Variants in TRIM66 observed in about 807,000 individuals in gnomAD.
The protein encoded by TRIM66 is tripartite motif-containing protein 66.
Under a neutral mutation model 148.2 loss-of-function variants are expected in TRIM66, and 99 were observed. The ratio of observed to expected loss-of-function variants is 0.67; its 90% CI spans 0.57 to 0.79. The LOEUF (loss-of-function observed/expected upper bound fraction) is 0.79. Among genes scored for constraint, TRIM66 ranks in the 30% least tolerant of loss-of-function variants. The probability of loss-of-function intolerance (pLI) is 0.00; values close to 1 mark genes in which losing one functional copy is unlikely to be tolerated. For synonymous variants in TRIM66, 616 were observed against 635.9 expected, an observed-to-expected ratio of 0.97 and a Z score of 0.47; for missense variants, 1,666 against 1,697.9, an observed-to-expected ratio of 0.98 and a Z score of 0.33.
At position 8,621,083 on chromosome 11, in the gene TRIM66, G is replaced by A. The variant is rs1263101690; in HGVS notation, c.3494C>T (p.Pro1165Leu). 4 of 1,551,570 alleles carry A rather than the reference G, an allele frequency of 2.6e-6. No individual in the cohort carries two copies. Among genetic ancestry groups the A allele is most frequent in the Admixed American group, 3.9e-5 (2 of 50,982 alleles). Residue 1165 changes from proline to leucine, a missense_variant, in exon 20 of 25, where the codon CCC becomes CTC. Around this residue, in one of 3 missense-constraint regions of TRIM66, gnomAD observed 1,431 missense variants for 1,412.4 expected, o/e 1.01. Transcript: ENST00000646038. Reference sequence around the variant, plus strand: ...ATGGCAGGAGAGGTGGAACACTTTGGGGCAGCGGTCACAGCACAGTAACTC... The same window carrying A: ...ATGGCAGGAGAGGTGGAACACTTTGAGGCAGCGGTCACAGCACAGTAACTC... The part of the protein sequence containing the change: ...GGELLCCDRC[P>L]KVFHLSCHVP...
At chr11:8,664,903 C>A (rs1044538355) in intron 6 of TRIM66, among the ~76,000 whole-genome samples, 1 of 152,112 alleles carries the variant, frequency 6.6e-6, no homozygotes, top group Non-Finnish European at 1.5e-5. Context: ...ACAAGCTGGA[C>A]AGACCCTGAG....
Position 8,672,053 on chromosome 11 carries a change from T to C in TRIM66, c.73A>G (p.Ile25Val), listed in dbSNP as rs1422597131. Residue 25 changes from isoleucine to valine, a missense_variant, in exon 6 of 25, where the codon ATC (isoleucine) becomes GTC (valine). Coordinates refer to ENST00000646038, the MANE Select transcript of TRIM66 (RefSeq NM_001388022.1). Reference sequence around the variant, plus strand: ...CCCAGGACTGGGGCTTTTCCACTGATATCCTCAGGTGAGAAGCAGCGTGTA... The same window carrying C: ...CCCAGGACTGGGGCTTTTCCACTGACATCCTCAGGTGAGAAGCAGCGTGTA... ...RSTRCFSPED[I>V]SGKAPVLGTG... The C allele has an allele frequency of 2.0e-6, 3 of 1,535,586 alleles. No homozygotes were observed. Among genetic ancestry groups the C allele is most frequent in the East Asian group, 2.4e-5 (1 of 40,934 alleles).
intron 14 of TRIM66, 45 bp downstream of exon 14, chr11:8,640,182 C>T (rs1416457475): frequency 6.6e-7 from 1 of 1,521,556 alleles, no homozygotes; most frequent in Admixed American, 2.0e-5. Flanking sequence ...CCTGAGTGAT[C>T]CTACGATGGG....
chr11:8,650,351 C>T (rs1015237091), intron 7 of TRIM66, among the ~76,000 whole-genome samples: 2 of 151,694 alleles, frequency 1.3e-5, no homozygotes, highest in African/African-American at 2.4e-5. Context: ...CCAGCCTGGG[C>T]AACAGAGGAA....
intron 20 of TRIM66, 38 bp from the exon 21 acceptor site, chr11:8,620,610 A>C (rs2034113128): frequency 6.5e-7 from 1 of 1,546,652 alleles, no homozygotes. Context: ...GCCTCAGCAC[A>C]TTGCCCAGAG....
chr11:8,638,591 G>A (rs2036096332), intron 15 of TRIM66, 63 bp downstream of exon 15: 1 of 1,516,188 alleles, frequency 6.6e-7, no homozygotes. Flanking sequence ...CCTCCTCCAA[G>A]TGCCTGGGGT....
Position 8,641,023 on chromosome 11 carries a change from G to A in TRIM66, c.1352C>T (p.Pro451Leu). The change falls in exon 14 of 25, where the codon CCC becomes CTC. Residue 451 changes from proline to leucine, a missense_variant. This residue lies in a region of TRIM66 where 1,431 missense variants were observed against 1,412.4 expected (regional missense o/e 1.01). Coordinates refer to ENST00000646038, the MANE Select transcript of TRIM66 (RefSeq NM_001388022.1). Reference protein sequence around the residue: ...PVAQQEALSHPSHKFQSPAVC... With the variant: ...PVAQQEALSHLSHKFQSPAVC... The stretch of plus-strand genomic sequence containing the variant: ...TGCTGGAGACTGGAACTTGTGTGAG[G>A]GGTGGCTAAGAGCCTCTTGCTGAGC... 4 of 1,551,630 alleles carry A rather than the reference G, an allele frequency of 2.6e-6. No individual in the cohort carries two copies. Among genetic ancestry groups the A allele is most frequent in the South Asian group, 1.2e-5 (1 of 84,052 alleles).
At chr11:8,677,867 C>A (rs764214318) in intron 3 of TRIM66, among the ~76,000 whole-genome samples, 2 of 152,136 alleles carry the variant, frequency 1.3e-5, no homozygotes, top group African/African-American at 2.4e-5. Context: ...AACACTCTAT[C>A]CAACACAGGA....
intron 3 of TRIM66, among the ~76,000 whole-genome samples, chr11:8,678,450 C>T (rs2133565140): frequency 6.6e-6 from 1 of 152,328 alleles, no homozygotes; most frequent in South Asian, 2.1e-4. Flanking sequence ...ACAGCTATGT[C>T]TCCATGTATA....
At chr11:8,637,121 G>A (rs2035947375) in intron 15 of TRIM66, among the ~76,000 whole-genome samples, 1 of 152,062 alleles carries the variant, frequency 6.6e-6, no homozygotes, top group South Asian at 2.1e-4. Context: ...CCCTCTCCCA[G>A]AGCTAGGTGC....
intron 15 of TRIM66, among the ~76,000 whole-genome samples, chr11:8,634,978 T>C (rs2035752652): frequency 1.3e-5 from 2 of 152,110 alleles, no homozygotes; most frequent in Admixed American, 6.5e-5. Context: ...CAAAACACCT[T>C]TACCAGATAA....
At chr11:8,644,685 A>C (rs890915158) in intron 12 of TRIM66, among the ~76,000 whole-genome samples, 11 of 152,026 alleles carry the variant, frequency 7.2e-5, no homozygotes, top group African/African-American at 2.7e-4. Context: ...AATGTTTTCC[A>C]AGCTTAAAAA....
chr11:8,671,833 A>G lies in TRIM66; in HGVS notation c.293T>C (p.Ile98Thr), dbSNP rs2038950703. ...CTTGGCAATCTGCCCTAGCTCCTGT[A>G]TCAAGCCCTGGAAGCAGTCCTTACG... ...LLRKDCFQGL[I>T]QELGQIAKAH... The change falls in exon 6 of 25, where the codon ATA (isoleucine) becomes ACA (threonine). Residue 98 changes from isoleucine (I) to threonine (T), a missense_variant. This residue lies in a region of TRIM66 where 1,431 missense variants were observed against 1,412.4 expected (regional missense o/e 1.01). Transcript: ENST00000646038. 6.5e-7 allele frequency: 1 copy of G among 1,529,966 alleles called. No homozygotes were observed. Among genetic ancestry groups the G allele is most frequent in the Non-Finnish European group, 8.8e-7 (1 of 1,141,282 alleles). The allele number at this position is 1,529,966 out of a possible 1,614,324, so 94.8% of individuals were successfully genotyped here. A position where few individuals can be genotyped will look rare whatever the true frequency, so the allele number is the denominator to read the frequency against.
chr11:8,622,859 G>T lies in TRIM66; in HGVS notation c.3037C>A (p.Gln1013Lys). The part of the protein sequence containing the change: ...QNPKECENFE[Q>K]GALELDAKEN... ...TTTGCATCCAGCTCTAGGGCTCCTT[G>T]TTCAAAATTCTCACACTCTAAGGCA... Residue 1013 changes from glutamine to lysine, a missense_variant, in exon 18 of 25, where the codon CAA (glutamine) becomes AAA (lysine). Transcript: ENST00000646038. The T allele has an allele frequency of 6.4e-7, 1 of 1,551,966 alleles. No individual in the cohort carries two copies. Among genetic ancestry groups the T allele is most frequent in the Non-Finnish European group, 8.7e-7 (1 of 1,147,056 alleles).
At chr11:8,619,639 T>C in intron 22 of TRIM66, 104 bp from the exon 23 acceptor site, 1 of 1,120,340 alleles carries the variant, frequency 8.9e-7, no homozygotes, top group Non-Finnish European at 1.2e-6. Context: ...GAAATATAAG[T>C]GAAAGAATAG....
intron 7 of TRIM66, among the ~76,000 whole-genome samples, chr11:8,650,948 T>C (rs1339796058): frequency 6.6e-6 from 1 of 152,228 alleles, no homozygotes; most frequent in African/African-American, 2.4e-5. Context: ...TTCAGAGTTG[T>C]GCTCCCACAC....
chr11:8,646,667 AGGG>A, intron 10 of TRIM66, 106 bp from the exon 11 acceptor site: 2 of 775,706 alleles, frequency 2.6e-6, no homozygotes, highest in Non-Finnish European at 4.3e-6. Context: ...TACTGAGATC[AGGG>A]CCTAGCAGAC....
Position 8,640,703 on chromosome 11 carries a change from T to C in TRIM66, c.1672A>G (p.Ile558Val), listed in dbSNP as rs1268231163. The change falls in exon 14 of 25, where the codon ATT (isoleucine) becomes GTT (valine). Residue 558 changes from isoleucine (I) to valine (V), a missense_variant. By Grantham distance (29) the Ile-to-Val change is conservative (BLOSUM62 3). Around this residue, in one of 3 missense-constraint regions of TRIM66, gnomAD observed 1,431 missense variants for 1,412.4 expected, o/e 1.01. Transcript: ENST00000646038. Reference protein sequence around the residue: ...GQQLTSQPVCIVPPQDVQQGA... With the variant: ...GQQLTSQPVCVVPPQDVQQGA... ...TGCTGAACATCCTGTGGGGGGACAATGCACACGGGCTGGGAAGTCAGCTGC... is the reference window on the plus strand; with the variant it reads ...TGCTGAACATCCTGTGGGGGGACAACGCACACGGGCTGGGAAGTCAGCTGC... The C allele has an allele frequency of 6.4e-7, 1 of 1,551,324 alleles. No homozygotes were observed.
rs1389113694 is a variant in TRIM66, at chr11:8,640,736, G to C, written c.1639C>G (p.Leu547Val). 3 of 1,551,418 alleles carry C rather than the reference G, an allele frequency of 1.9e-6. No individual in the cohort carries two copies. Among genetic ancestry groups the C allele is most frequent in the African/African-American group, 2.7e-5 (2 of 73,054 alleles). ...PVEQESTSQR[L>V]GQQLTSQPVC... Reference sequence around the variant, plus strand: ...GGCTGGGAAGTCAGCTGCTGCCCCAGCCGCTGGGATGTGCTCTCCTGCTCC... The same window carrying C: ...GGCTGGGAAGTCAGCTGCTGCCCCACCCGCTGGGATGTGCTCTCCTGCTCC... Residue 547 changes from leucine (L) to valine (V), a missense_variant, in exon 14 of 25, where the codon CTG becomes GTG. Physicochemically the swap from Leu to Val is conservative, Grantham distance 32. Around this residue, in one of 3 missense-constraint regions of TRIM66, gnomAD observed 1,431 missense variants for 1,412.4 expected, o/e 1.01. Coordinates refer to ENST00000646038, the MANE Select transcript of TRIM66 (RefSeq NM_001388022.1).
Sources: allele counts gnomAD v4.1 joint callset (sites outside exome capture counted in the v4.1 genomes callset), GRCh38; gene constraint gnomAD v4.1.1; regional missense constraint gnomAD v4.1.1; transcripts MANE v1.5; gene names NCBI Gene and HGNC (gene_info 2026-07-23, HGNC 2026-07-21).